The following ELMO1 variants were observed in gnomAD, a reference collection of about 807,000 sequenced individuals.
ELMO1 encodes engulfment and cell motility protein 1.
Under a neutral mutation model 98.9 loss-of-function variants are expected in ELMO1, and 26 were observed. The observed-to-expected ratio is 0.26, with a 90% CI of 0.19 to 0.36. The LOEUF (loss-of-function observed/expected upper bound fraction) is 0.36. ELMO1 is among the 10% of genes least tolerant of loss of function. The pLI, the probability that ELMO1 is intolerant of heterozygous loss-of-function variation, is 1.00. For missense variants in ELMO1, 627 were observed against 935.2 expected (o/e 0.67, Z 4.30); for synonymous variants, 346 against 346.0 (o/e 1.00, Z 0.00).
chr7:36,916,487 T>C (rs139103482), intron 16 of ELMO1, among the ~76,000 whole-genome samples: 154 of 152,370 alleles, frequency 1.0e-3, no homozygotes, highest in Middle Eastern at 3.4e-3. Context: ...TAAAACACTA[T>C]ACAAATGTAA....
chr7:36,936,562 A>T (rs936537512), intron 16 of ELMO1, among the ~76,000 whole-genome samples: 2 of 152,090 alleles, frequency 1.3e-5, no homozygotes, highest in African/African-American at 4.8e-5. Flanking sequence ...GTCTGAAGTG[A>T]TCCTCCTGCC....
At chr7:37,160,664 C>A (rs559029699) in intron 13 of ELMO1, among the ~76,000 whole-genome samples, 1 of 152,156 alleles carries the variant, frequency 6.6e-6, no homozygotes, top group Non-Finnish European at 1.5e-5. Context: ...TCATAAGTAG[C>A]CCCCAAATGT....
intron 7 of ELMO1, 125 bp downstream of exon 7, chr7:37,244,231 A>T (rs1794889075): frequency 2.0e-6 from 2 of 1,019,218 alleles, no homozygotes; most frequent in African/African-American, 3.3e-5. Flanking sequence ...AAACAAAAAT[A>T]ACAAAAAATC....
intron 10 of ELMO1, among the ~76,000 whole-genome samples, chr7:37,221,089 C>A (rs1248084491): frequency 2.0e-5 from 3 of 152,142 alleles, no homozygotes; most frequent in Non-Finnish European, 4.4e-5. Context: ...TGCAAAGCCA[C>A]TCCTAAAAAT....
intron 13 of ELMO1, among the ~76,000 whole-genome samples, chr7:37,136,017 C>A (rs1270855701): frequency 6.6e-6 from 1 of 151,996 alleles, no homozygotes; most frequent in African/African-American, 2.4e-5. Context: ...AGTGAAACAG[C>A]ATAAATAAAA....
intron 15 of ELMO1, among the ~76,000 whole-genome samples, chr7:37,096,058 T>C (rs1345707426): frequency 2.0e-5 from 3 of 152,340 alleles, no homozygotes; most frequent in Admixed American, 6.5e-5. Context: ...TTTTTCTGTA[T>C]GTACTCTCAT....
chr7:37,033,524 G>GGATTATAACTTTC (rs1794996478), intron 15 of ELMO1: 1 of 392,100 alleles, frequency 2.6e-6, no homozygotes, highest in Admixed American at 3.2e-5. Context: ...AACAGACACT[G>GGATTATAACTTTC]GATTATAACT....
At chr7:37,395,963 T>G (rs1476993156) in intron 1 of ELMO1, among the ~76,000 whole-genome samples, 2 of 151,718 alleles carry the variant, frequency 1.3e-5, no homozygotes, top group Non-Finnish European at 3.0e-5. Flanking sequence ...TTTTCGCCTT[T>G]ACTTATTTCT....
chr7:37,169,563 G>A (rs1181147678), intron 13 of ELMO1, among the ~76,000 whole-genome samples: 1 of 152,208 alleles, frequency 6.6e-6, no homozygotes, highest in Non-Finnish European at 1.5e-5. Context: ...TGAAAAAAAT[G>A]TATTGTTAAG....
intron 2 of ELMO1, among the ~76,000 whole-genome samples, chr7:37,325,340 A>T (rs1799743105): frequency 6.6e-6 from 1 of 152,226 alleles, no homozygotes; most frequent in South Asian, 2.1e-4. Context: ...CTGGGCCTGG[A>T]AAGGCATGCA....
In ELMO1 at chr7:37,029,850, T is replaced by C. The variant is rs76285877; in HGVS notation, c.1301-16415A>G. The stretch of plus-strand genomic sequence containing the variant: ...GTATGTTTGTGAAGAATTAGAGTCT[T>C]AAATTAATGGGTGAAGATCTTTTTT... On this transcript the variant is annotated intron_variant, in intron 15 of 21. Coordinates refer to ENST00000310758, the MANE Select transcript of ELMO1 (RefSeq NM_014800.11). 3.7e-3 allele frequency among the ~76,000 whole-genome samples: 569 copies of C among 152,242 alleles called. 1 individual carries two copies. Among genetic ancestry groups the C allele is most frequent in the African/African-American group, 0.013 (527 of 41,562 alleles).
intron 15 of ELMO1, among the ~76,000 whole-genome samples, chr7:37,087,988 GA>G (rs1346192035): frequency 1.3e-5 from 2 of 152,160 alleles, no homozygotes; most frequent in Admixed American, 1.3e-4. Context: ...AGATGAACCA[GA>G]AGTGTTTCTA....
At chr7:37,186,364 T>C (rs551782220) in intron 13 of ELMO1, among the ~76,000 whole-genome samples, 1 of 152,048 alleles carries the variant, frequency 6.6e-6, no homozygotes, top group East Asian at 1.9e-4. Context: ...TAGAAGAAAA[T>C]GTAGGTATAC....
At chr7:36,891,489 T>C (rs938842611) in intron 17 of ELMO1, among the ~76,000 whole-genome samples, 2 of 152,238 alleles carry the variant, frequency 1.3e-5, no homozygotes, top group African/African-American at 4.8e-5. Flanking sequence ...TGGATTTCTA[T>C]TGTCCTTTCT....
Position 36,932,946 on chromosome 7 carries a change from C to A in ELMO1, c.1438-37929G>T, listed in dbSNP as rs114343196. On this transcript the variant is annotated intron_variant, in intron 16 of 21. Transcript: ENST00000310758. Reference sequence around the variant, plus strand: ...TCTGGGGTGCTGCAGAGACAGTGGGCGGATGCCTTCCCAGGGCTGGTGCTG... The same window carrying A: ...TCTGGGGTGCTGCAGAGACAGTGGGAGGATGCCTTCCCAGGGCTGGTGCTG... 2.7e-3 allele frequency among the ~76,000 whole-genome samples: 408 copies of A among 152,324 alleles called. 2 individuals carry two copies. The highest frequency in any genetic ancestry group is 9.3e-3 in the African/African-American group (386 of 41,572).
intron 1 of ELMO1, among the ~76,000 whole-genome samples, chr7:37,343,986 C>T (rs1800855973): frequency 6.6e-6 from 1 of 150,854 alleles, no homozygotes; most frequent in South Asian, 2.1e-4. Flanking sequence ...AAGGCAAATA[C>T]AAAAATACAT....
chr7:37,146,009 T>TTAC (rs1313346704), intron 13 of ELMO1, among the ~76,000 whole-genome samples: 1 of 152,040 alleles, frequency 6.6e-6, no homozygotes, highest in African/African-American at 2.4e-5. Context: ...AGAACAGCAG[T>TTAC]TCTCTGTCTT....
chr7:36,858,715 C>T (rs759305204), intron 21 of ELMO1, among the ~76,000 whole-genome samples: 5 of 151,950 alleles, frequency 3.3e-5, no homozygotes, highest in African/African-American at 4.8e-5. Flanking sequence ...GATCTGAGTA[C>T]GAAAGAGGAG....
At chr7:37,055,206 G>T (rs1796329779) in intron 15 of ELMO1, among the ~76,000 whole-genome samples, 1 of 152,212 alleles carries the variant, frequency 6.6e-6, no homozygotes, top group African/African-American at 2.4e-5. Flanking sequence ...AAGAAACAAA[G>T]AGCTGAGGCA....
Sources: gnomAD v4.1 joint callset for allele counts (sites outside exome capture counted in the v4.1 genomes callset) on GRCh38, gnomAD v4.1.1 for gene constraint, MANE v1.5 for transcripts, NCBI Gene and HGNC (gene_info 2026-07-23, HGNC 2026-07-21) for gene names.